Variants in CNTN5 observed in about 807,000 individuals in gnomAD.
The protein encoded by CNTN5 is contactin 5.
In CNTN5, 77 loss-of-function variants were observed where a neutral mutation model predicts 129.1. That is an observed-to-expected ratio of 0.60 (90% CI 0.50 to 0.72). CNTN5 has a LOEUF of 0.72. Ranked by LOEUF, CNTN5 falls within the 30% of genes least tolerant of loss-of-function variation. The pLI is 0.00. For synonymous variants in CNTN5, 509 were observed against 465.6 expected (o/e 1.09, Z -1.20); for missense variants, 1,478 against 1,328.8 (o/e 1.11, Z -1.75).
At chr11:100,091,851 T>C (rs559852156) in intron 13 of CNTN5, among the ~76,000 whole-genome samples, 1 of 152,276 alleles carries the variant, frequency 6.6e-6, no homozygotes, top group South Asian at 2.1e-4. Flanking sequence ...AAATATGTTT[T>C]AAATGAATTT....
intron 1 of CNTN5, among the ~76,000 whole-genome samples, chr11:99,140,410 A>G (rs1454820818): frequency 6.6e-6 from 1 of 152,090 alleles, no homozygotes; most frequent in Non-Finnish European, 1.5e-5. Context: ...ACAGAATCAT[A>G]TCATCTGGGA....
At position 99,240,781 on chromosome 11, in the gene CNTN5, A is replaced by G. The variant is rs896460256; in HGVS notation, c.-209-84565A>G. Reference sequence around the variant, plus strand: ...TACAAACAAACAAACTGATAAAAGAAAACAAAATCCTTGATCAGTGTGACA... The same window carrying G: ...TACAAACAAACAAACTGATAAAAGAGAACAAAATCCTTGATCAGTGTGACA... On this transcript the variant is annotated intron_variant, in intron 1 of 24. Coordinates refer to ENST00000524871, the MANE Select transcript of CNTN5 (RefSeq NM_014361.4). Among the ~76,000 whole-genome samples, 3 of 152,214 alleles carry G rather than the reference A, an allele frequency of 2.0e-5. No homozygotes were observed. In the East Asian group the frequency reaches 5.8e-4, roughly 29 times the overall value.
rs368702557 is a variant in CNTN5, at chr11:99,069,660, TAATA to T, written c.-210+48395_-210+48398del. ...CAGTACCAGACATTTTTCAGGTACT[TAATA>T]AATATTTGTTTTAGAATACAAAACT... On this transcript the variant is annotated intron_variant, in intron 1 of 24. Transcript: ENST00000524871. Among the ~76,000 whole-genome samples, 966 of 152,308 alleles carry T rather than the reference TAATA, an allele frequency of 6.3e-3. 8 individuals are homozygous for T. Among genetic ancestry groups the T allele is most frequent in the African/African-American group, 0.022 (906 of 41,576 alleles).
chr11:99,844,520 T>C (rs1947618117), intron 4 of CNTN5: 2 of 336,868 alleles, frequency 5.9e-6, no homozygotes, highest in African/African-American at 4.6e-5. Flanking sequence ...CTTTCAGGTT[T>C]TTTAAGATAT....
intron 3 of CNTN5, among the ~76,000 whole-genome samples, chr11:99,671,025 T>G (rs1953013025): frequency 6.6e-6 from 1 of 152,202 alleles, no homozygotes; most frequent in African/African-American, 2.4e-5. Context: ...TTTCTTTAGC[T>G]CTCATTTTAA....
At chr11:100,155,160 C>T (rs989478702) in intron 13 of CNTN5, among the ~76,000 whole-genome samples, 2 of 152,108 alleles carry the variant, frequency 1.3e-5, no homozygotes, top group East Asian at 1.9e-4. Context: ...TTAGGTCTAA[C>T]ATTTAAGTCT....
intron 1 of CNTN5, among the ~76,000 whole-genome samples, chr11:99,110,740 T>A (rs1857751159): frequency 6.6e-6 from 1 of 152,138 alleles, no homozygotes; most frequent in Non-Finnish European, 1.5e-5. Flanking sequence ...GAAGTTCTGA[T>A]CACCATAAAT....
At chr11:99,517,124 ATC>A (rs912885025) in intron 2 of CNTN5, among the ~76,000 whole-genome samples, 7 of 152,108 alleles carry the variant, frequency 4.6e-5, no homozygotes, top group Non-Finnish European at 1.0e-4. Flanking sequence ...GACAGGTTTT[ATC>A]TCTCTTTTAA....
At chr11:99,636,454 A>T (rs143871137) in intron 3 of CNTN5, among the ~76,000 whole-genome samples, 2 of 150,850 alleles carry the variant, frequency 1.3e-5, no homozygotes, top group Non-Finnish European at 2.9e-5. Flanking sequence ...GTTCTGGCCT[A>T]TCAGTGTTCT....
chr11:99,734,769 G>A (rs1015582375), intron 3 of CNTN5, among the ~76,000 whole-genome samples: 3 of 148,256 alleles, frequency 2.0e-5, no homozygotes, highest in Non-Finnish European at 3.0e-5. Flanking sequence ...ACATCCAGTT[G>A]CTGGGTCCGG....
At chr11:99,992,594 A>ATTC (rs1939182555) in intron 8 of CNTN5, among the ~76,000 whole-genome samples, 1 of 152,218 alleles carries the variant, frequency 6.6e-6, no homozygotes, top group Admixed American at 6.5e-5. Flanking sequence ...TTCAAAAAAT[A>ATTC]TTCATCATCA....
intron 1 of CNTN5, among the ~76,000 whole-genome samples, chr11:99,282,090 G>A (rs1591465454): frequency 6.6e-6 from 1 of 151,942 alleles, no homozygotes; most frequent in African/African-American, 2.4e-5. Context: ...CGTTGGTATT[G>A]TCTGCTCTGG....
At chr11:99,845,797 A>C (rs1047834347) in intron 6 of CNTN5, among the ~76,000 whole-genome samples, 1 of 152,138 alleles carries the variant, frequency 6.6e-6, no homozygotes, top group African/African-American at 2.4e-5. Context: ...ATAACAGTCT[A>C]TTTTGAAACC....
chr11:99,755,516 A>G (rs571788802), intron 3 of CNTN5, among the ~76,000 whole-genome samples: 3 of 152,144 alleles, frequency 2.0e-5, no homozygotes, highest in African/African-American at 7.2e-5. Flanking sequence ...TGCCATCTGT[A>G]TATCTTTTTT....
At chr11:99,225,433 T>C (rs923405475) in intron 1 of CNTN5, among the ~76,000 whole-genome samples, 23 of 152,148 alleles carry the variant, frequency 1.5e-4, no homozygotes, top group African/African-American at 5.6e-4. Context: ...TTTTACAACA[T>C]AATTTTTCAC....
chr11:99,738,101 A>G (rs1324436841), intron 3 of CNTN5, among the ~76,000 whole-genome samples: 1 of 152,182 alleles, frequency 6.6e-6, no homozygotes, highest in East Asian at 1.9e-4. Flanking sequence ...AGATGGTCTT[A>G]AGGACTGAAT....
At chr11:100,168,530 G>C (rs1947720156) in intron 13 of CNTN5, among the ~76,000 whole-genome samples, 1 of 151,920 alleles carries the variant, frequency 6.6e-6, no homozygotes, top group African/African-American at 2.4e-5. Flanking sequence ...TTTACAGCTT[G>C]CTTTACTGAA....
intron 13 of CNTN5, among the ~76,000 whole-genome samples, chr11:100,093,862 A>G (rs11222735): frequency 0.053 from 8,088 of 152,152 alleles, 689 homozygotes; most frequent in African/African-American, 0.18. Flanking sequence ...TTAGTGCCTA[A>G]GTAACTCTCA....
At chr11:99,224,563 A>G (rs1193076436) in intron 1 of CNTN5, among the ~76,000 whole-genome samples, 1 of 152,056 alleles carries the variant, frequency 6.6e-6, no homozygotes, top group African/African-American at 2.4e-5. Flanking sequence ...CATTACTTTA[A>G]AGATGGAATC....
Sources: gnomAD v4.1 joint callset for allele counts (sites outside exome capture counted in the v4.1 genomes callset) on GRCh38, gnomAD v4.1.1 for gene constraint, MANE v1.5 for transcripts, NCBI Gene and HGNC (gene_info 2026-07-23, HGNC 2026-07-21) for gene names.